The following KDM8 variants were observed in gnomAD, a reference collection of about 807,000 sequenced individuals.
The protein encoded by KDM8 is bifunctional peptidase and arginyl-hydroxylase JMJD5.
A neutral mutation model predicts 46.9 loss-of-function variants in KDM8; 35 were observed. The ratio of observed to expected loss-of-function variants is 0.75; its 90% CI spans 0.57 to 0.99. The LOEUF (loss-of-function observed/expected upper bound fraction) is 0.99, where lower values mean the gene tolerates loss of function less well. KDM8 is among the 50% of genes least tolerant of loss of function. The pLI is 0.00. For synonymous variants in KDM8, 232 were observed against 227.7 expected (o/e 1.02, Z -0.17); for missense variants, 475 against 537.0 (o/e 0.88, Z 1.14).
At chr16:27,206,950 CAGG>C (rs1387472520) in intron 1 of KDM8, among the ~76,000 whole-genome samples, 1 of 152,240 alleles carries the variant, frequency 6.6e-6, no homozygotes, top group Non-Finnish European at 1.5e-5. Flanking sequence ...GCATGGCTAA[CAGG>C]AGCCAATGTG....
chr16:27,210,320 A>T lies in KDM8; in HGVS notation c.197A>T (p.Gln66Leu), dbSNP rs1275259230. 2.5e-6 allele frequency: 4 copies of T among 1,613,334 alleles called. No individual in the cohort carries two copies. Among genetic ancestry groups the T allele is most frequent in the Non-Finnish European group, 2.5e-6 (3 of 1,180,044 alleles). Reference sequence around the variant, plus strand: ...GAGGGCAGGAGGGACGAGTGTCTGCAGAGCAGCGAGGTGATCCTGGACTAC... The same window carrying T: ...GAGGGCAGGAGGGACGAGTGTCTGCTGAGCAGCGAGGTGATCCTGGACTAC... Reference protein sequence around the residue: ...FYEGRRDECLQSSEVILDYSW... With the variant: ...FYEGRRDECLLSSEVILDYSW... The change falls in exon 2 of 8, where the codon CAG becomes CTG. Residue 66 changes from glutamine (Q) to leucine (L), a missense_variant. Transcript: ENST00000286096.
intron 4 of KDM8, 66 bp downstream of exon 4, chr16:27,215,074 T>C: frequency 6.4e-7 from 1 of 1,569,596 alleles, no homozygotes. Flanking sequence ...TTTAGGCAAA[T>C]AACCCCCCAT....
chr16:27,210,735 G>A (rs1464296705), intron 2 of KDM8, 114 bp downstream of exon 2: 9 of 1,008,280 alleles, frequency 8.9e-6, no homozygotes, highest in African/African-American at 8.1e-5. Flanking sequence ...AACCCCTCTG[G>A]TGGAAAACAG....
At chr16:27,204,751 G>A (rs1211560627) in intron 1 of KDM8, among the ~76,000 whole-genome samples, 6 of 152,182 alleles carry the variant, frequency 3.9e-5, no homozygotes, top group Admixed American at 3.9e-4. Context: ...AAGGCTGGGC[G>A]CGGTGCCTCA....
intron 2 of KDM8, 95 bp downstream of exon 2, chr16:27,210,716 G>A (rs1301613258): frequency 8.0e-6 from 10 of 1,249,718 alleles, no homozygotes; most frequent in African/African-American, 3.0e-5. Flanking sequence ...GTGAGGCCTC[G>A]TGGCCTGCAA....
intron 2 of KDM8, chr16:27,211,310 T>C: frequency 2.4e-6 from 1 of 413,796 alleles, no homozygotes; most frequent in Non-Finnish European, 4.8e-6. Context: ...TACCTCCAGC[T>C]GCTCCTGTCT....
chr16:27,211,514 A>C, intron 2 of KDM8: 2 of 206,594 alleles, frequency 9.7e-6, no homozygotes, highest in Non-Finnish European at 1.0e-5. Flanking sequence ...AAGTCACTTA[A>C]CCTCCTTTGA....
At chr16:27,217,854 A>T (rs1000379513) in intron 5 of KDM8, among the ~76,000 whole-genome samples, 2 of 150,076 alleles carry the variant, frequency 1.3e-5, no homozygotes, top group African/African-American at 4.9e-5. Context: ...AGGTCCATCC[A>T]GGGTCCCGTG....
In KDM8 at chr16:27,209,633, T is replaced by C. The variant is rs757431762; in HGVS notation, c.-31-460T>C. Among the ~76,000 whole-genome samples, 98 of 152,222 alleles carry C rather than the reference T, an allele frequency of 6.4e-4. 1 individual carries two copies. The highest frequency in any genetic ancestry group is 1.8e-3 in the Admixed American group (28 of 15,288). ...GGAATGAGCTACGTTCTTGCCCTGGTGGAGCTGGCAGTGCAGTGTTGGATA... is the reference window on the plus strand; with the variant it reads ...GGAATGAGCTACGTTCTTGCCCTGGCGGAGCTGGCAGTGCAGTGTTGGATA... On this transcript the variant is annotated intron_variant, in intron 1 of 7. Transcript: ENST00000286096.
chr16:27,210,301 A>G lies in KDM8; in HGVS notation c.178A>G (p.Arg60Gly), dbSNP rs199578568. 5.6e-5 allele frequency: 90 copies of G among 1,613,202 alleles called. 2 individuals are homozygous for G. In the South Asian group the frequency reaches 8.1e-4, roughly 15 times the overall value. The change falls in exon 2 of 8, where the codon AGG becomes GGG. Residue 60 changes from arginine to glycine, a missense_variant. Transcript: ENST00000286096. ...QRATELFYEG[R>G]RDECLQSSEV... ...AGCCACTGAGCTCTTCTACGAGGGC[A>G]GGAGGGACGAGTGTCTGCAGAGCAG...
chr16:27,211,864 G>C (rs1348650957), intron 2 of KDM8: 1 of 152,088 alleles, frequency 6.6e-6, no homozygotes, highest in Non-Finnish European at 1.5e-5. Context: ...TTTTAATAGA[G>C]ACAGGGTTTC....
chr16:27,219,989 A>G (rs2083599233), intron 6 of KDM8, among the ~76,000 whole-genome samples: 1 of 152,158 alleles, frequency 6.6e-6, no homozygotes, highest in South Asian at 2.1e-4. Context: ...CCGAGTCAGG[A>G]GGATCACTTG....
rs1023051808 is a variant in KDM8 at position 27,216,261 on chromosome 16, T to G, written c.843+272T>G. On this transcript the variant is annotated intron_variant, in intron 5 of 7. Transcript: ENST00000286096. ...CGGGTGGCTGGCTGGGCTATTGCTG[T>G]GGTGCAAGGAGAGGTGATGCTGGCA... 2.6e-5 allele frequency: 14 copies of G among 538,152 alleles called. No individual in the cohort carries two copies. The Admixed American group carries it at 4.0e-4, about 15-fold the overall frequency. 33.3% of individuals were successfully genotyped at this position (538,152 alleles called of 1,614,324 possible). A position where few individuals can be genotyped will look rare whatever the true frequency, so the allele number is the denominator to read the frequency against.
chr16:27,216,798 A>C (rs955925521), intron 5 of KDM8, among the ~76,000 whole-genome samples: 1 of 151,998 alleles, frequency 6.6e-6, no homozygotes, highest in Non-Finnish European at 1.5e-5. Context: ...TAAGTGAAGG[A>C]AAGGGGGATT....
intron 4 of KDM8, 108 bp downstream of exon 4, chr16:27,215,116 G>C: frequency 7.6e-7 from 1 of 1,323,682 alleles, no homozygotes; most frequent in Non-Finnish European, 1.1e-6. Flanking sequence ...GAGGAGCCAG[G>C]CTGTAAGTCT....
Position 27,210,423 on chromosome 16 carries a change from C to T in KDM8, c.300C>T (p.Leu100=). 1 of 1,606,212 alleles carries T rather than the reference C, an allele frequency of 6.2e-7. No individual in the cohort carries two copies. Among genetic ancestry groups the T allele is most frequent in the Non-Finnish European group, 8.5e-7 (1 of 1,174,200 alleles). ...DWRRVYAIGC[L]LKALCLCQAP... Reference sequence around the variant, plus strand: ...GCCGGGTCTACGCCATCGGCTGCCTCCTGAAAGCCCTGTGTCTGTGCCAGG... The same window carrying T: ...GCCGGGTCTACGCCATCGGCTGCCTTCTGAAAGCCCTGTGTCTGTGCCAGG... Residue 100 remains leucine (L), a synonymous_variant, in exon 2 of 8, where the codon CTC becomes CTT. Transcript: ENST00000286096.
Position 27,220,792 on chromosome 16 carries a change from G to A in KDM8, c.*62G>A. ...GCATTCATCTGTTCACTAATTTCCT[G>A]GGTCCTGGAATCTATAGAGACAAGC... On this transcript the variant is annotated 3_prime_UTR_variant, in exon 8 of 8. Transcript: ENST00000286096. The A allele has an allele frequency of 6.3e-7, 1 of 1,582,776 alleles. No individual in the cohort carries two copies. The highest frequency in any genetic ancestry group is 8.7e-7 in the Non-Finnish European group (1 of 1,151,850).
At chr16:27,213,274 AG>A (rs2083506520) in intron 2 of KDM8, 1 of 243,612 alleles carries the variant, frequency 4.1e-6, no homozygotes, top group African/African-American at 2.3e-5. Flanking sequence ...AGATGGGAAA[AG>A]AATAGGAATG....
At chr16:27,209,558 G>A (rs765030566) in intron 1 of KDM8, among the ~76,000 whole-genome samples, 13 of 152,212 alleles carry the variant, frequency 8.5e-5, no homozygotes, top group Non-Finnish European at 1.6e-4. Context: ...TGGCACTCCT[G>A]AGTGACTGCC....
Sources: allele counts gnomAD v4.1 joint callset (sites outside exome capture counted in the v4.1 genomes callset), GRCh38; gene constraint gnomAD v4.1.1; transcripts MANE v1.5; gene names NCBI Gene and HGNC (gene_info 2026-07-23, HGNC 2026-07-21).